ZNF708: variants seen among roughly 807,000 people sequenced by gnomAD.
The protein encoded by ZNF708 is zinc finger protein 708.
In ZNF708, 44 loss-of-function variants were observed where a neutral mutation model predicts 47.0. That is an observed-to-expected ratio of 0.94 (90% CI 0.74 to 1.20). The LOEUF is 1.20. Among genes scored for constraint, ZNF708 ranks in the 50% most tolerant of loss-of-function variants. ZNF708 has a pLI of 0.00. For synonymous variants in ZNF708, 184 were observed against 218.5 expected, an observed-to-expected ratio of 0.84 and a Z score of 1.39; for missense variants, 557 against 656.0, an observed-to-expected ratio of 0.85 and a Z score of 1.65.
chr19:21,313,682 C>T (rs992029501), intron 1 of ZNF708, among the ~76,000 whole-genome samples: 5 of 150,038 alleles, frequency 3.3e-5, no homozygotes, highest in South Asian at 2.1e-4. Flanking sequence ...TGTTTGAACC[C>T]GGGAGGTGGA....
At chr19:21,323,230 T>C (rs995083354) in intron 1 of ZNF708, among the ~76,000 whole-genome samples, 2 of 152,208 alleles carry the variant, frequency 1.3e-5, no homozygotes, top group African/African-American at 4.8e-5. Context: ...GTGCTCTCTT[T>C]TCTTATCTAT....
intron 1 of ZNF708, among the ~76,000 whole-genome samples, chr19:21,323,562 G>A (rs1389542057): frequency 6.6e-6 from 1 of 152,124 alleles, no homozygotes; most frequent in Admixed American, 6.5e-5. Flanking sequence ...TAAAGACCTT[G>A]TAGTTGGTAC....
intron 3 of ZNF708, among the ~76,000 whole-genome samples, chr19:21,299,397 C>T (rs1010267562): frequency 2.0e-5 from 3 of 151,932 alleles, no homozygotes; most frequent in African/African-American, 4.8e-5. Flanking sequence ...AAGATAAAAA[C>T]ATTTTAGCAT....
chr19:21,292,997 G>T lies in ZNF708; in HGVS notation c.*277C>A. On this transcript the variant is annotated 3_prime_UTR_variant, in exon 4 of 4. Transcript: ENST00000356929. ...ATTTATTTTATGTTTAGAAAAGTTTGAGGTGTTGTCAGAATTACTGTGATG... is the reference window on the plus strand; with the variant it reads ...ATTTATTTTATGTTTAGAAAAGTTTTAGGTGTTGTCAGAATTACTGTGATG... The T allele has an allele frequency of 3.0e-6, 1 of 332,672 alleles. No homozygotes were observed. Among genetic ancestry groups the T allele is most frequent in the Non-Finnish European group, 5.6e-6 (1 of 179,224 alleles). The allele number at this position is 332,672 out of a possible 1,614,324, so 20.6% of individuals were successfully genotyped here.
At chr19:21,303,002 T>A (rs1972689956) in intron 3 of ZNF708, among the ~76,000 whole-genome samples, 1 of 151,954 alleles carries the variant, frequency 6.6e-6, no homozygotes, top group Non-Finnish European at 1.5e-5. Flanking sequence ...AATCCTAGGA[T>A]GTTGTGAGGT....
At chr19:21,295,212 T>C (rs923954330) in intron 3 of ZNF708, among the ~76,000 whole-genome samples, 4 of 152,180 alleles carry the variant, frequency 2.6e-5, no homozygotes, top group African/African-American at 9.6e-5. Flanking sequence ...GAATGACAGT[T>C]TGAGTCTGCT....
At chr19:21,316,138 T>TTC (rs1555722835) in intron 1 of ZNF708, among the ~76,000 whole-genome samples, 2 of 139,270 alleles carry the variant, frequency 1.4e-5, no homozygotes, top group Non-Finnish European at 3.3e-5. Context: ...TTTTTCTTTT[T>TTC]TTTTTTTTTT....
chr19:21,314,764 A>G (rs566519878), intron 1 of ZNF708, among the ~76,000 whole-genome samples: 9 of 152,210 alleles, frequency 5.9e-5, no homozygotes, highest in Non-Finnish European at 1.3e-4. Flanking sequence ...CCCTTGTATA[A>G]GGGAAGGAAC....
chr19:21,310,484 A>C lies in ZNF708; in HGVS notation c.130+17T>G, dbSNP rs752865894. 1.7e-5 allele frequency: 22 copies of C among 1,310,766 alleles called. No homozygotes were observed. The highest frequency in any genetic ancestry group is 2.1e-5 in the Non-Finnish European group (21 of 1,013,588). 81.2% of individuals were successfully genotyped at this position (1,310,766 alleles called of 1,614,324 possible). Reference sequence around the variant, plus strand: ...TAATAAATAATAAAAATTAAAAAAAAAAAAACTTATCCTCACCCAGGAATA... The same window carrying C: ...TAATAAATAATAAAAATTAAAAAAACAAAAACTTATCCTCACCCAGGAATA... On this transcript the variant is annotated intron_variant, in intron 2 of 3. Coordinates refer to ENST00000356929, the MANE Select transcript of ZNF708 (RefSeq NM_021269.3).
chr19:21,314,316 T>C (rs1388525127), intron 1 of ZNF708, among the ~76,000 whole-genome samples: 2 of 152,186 alleles, frequency 1.3e-5, no homozygotes, highest in Non-Finnish European at 2.9e-5. Flanking sequence ...CTGTCAATTT[T>C]ATAACATATA....
intron 3 of ZNF708, among the ~76,000 whole-genome samples, chr19:21,308,251 C>A (rs1484281570): frequency 6.6e-6 from 1 of 151,564 alleles, no homozygotes; most frequent in Admixed American, 6.6e-5. Flanking sequence ...AAAATACAAT[C>A]CCTAAATTTA....
At position 21,309,277 on chromosome 19, in the gene ZNF708, CAT is replaced by C. The variant is rs1972849137; in HGVS notation, c.193_194del (p.Met65GlufsTer21). The C allele has an allele frequency of 6.2e-7, 1 of 1,604,894 alleles. No individual in the cohort carries two copies. The highest frequency in any genetic ancestry group is 1.1e-5 in the South Asian group (1 of 90,788). ...CLEQGKEPWN[M>X]KRHEMAAKPP... Reference sequence around the variant, plus strand: ...GTTTGGCTGCCATCTCGTGTCTCTTCATATTCCAGGGCTCTTTTCCTTGCTCC... The same window carrying C: ...GTTTGGCTGCCATCTCGTGTCTCTTCATTCCAGGGCTCTTTTCCTTGCTCC... On this transcript the variant is annotated frameshift_variant, in exon 3 of 4. Coordinates refer to ENST00000356929, the MANE Select transcript of ZNF708 (RefSeq NM_021269.3). LOFTEE classifies it high-confidence loss of function.
intron 1 of ZNF708, among the ~76,000 whole-genome samples, chr19:21,311,238 C>T (rs542965809): frequency 6.6e-6 from 1 of 150,962 alleles, no homozygotes; most frequent in Admixed American, 6.6e-5. Context: ...ACAAGGAAAA[C>T]CTAAGAAAAA....
intron 1 of ZNF708, among the ~76,000 whole-genome samples, chr19:21,317,626 C>T (rs576366340): frequency 6.6e-6 from 1 of 152,250 alleles, no homozygotes; most frequent in Non-Finnish European, 1.5e-5. Flanking sequence ...AGAAAGAAAA[C>T]TTTTATTACA....
chr19:21,317,569 C>T (rs1008070868), intron 1 of ZNF708, among the ~76,000 whole-genome samples: 16 of 152,052 alleles, frequency 1.1e-4, no homozygotes, highest in Non-Finnish European at 1.8e-4. Flanking sequence ...GAAAATATAA[C>T]AAGAGAAATT....
intron 3 of ZNF708, among the ~76,000 whole-genome samples, chr19:21,305,794 A>T (rs1972753445): frequency 6.6e-6 from 1 of 152,108 alleles, no homozygotes; most frequent in African/African-American, 2.4e-5. Context: ...AACTATAGAT[A>T]AACACCCTTG....
intron 3 of ZNF708, among the ~76,000 whole-genome samples, chr19:21,297,258 ATATATATATATATTTTTTTTT>A (rs1374588056): frequency 1.7e-3 from 25 of 14,716 alleles, no homozygotes; most frequent in African/African-American, 5.2e-3. Flanking sequence ...ATATATATAT[ATATATATATATATTTTTTTTT>A]TTTTTTTTTT....
rs1193218597 is a variant in ZNF708 at position 21,329,393 on chromosome 19, C to A, written c.-181G>T. 1.2e-6 allele frequency: 1 copy of A among 866,944 alleles called. No homozygotes were observed. The highest frequency in any genetic ancestry group is 1.7e-5 in the African/African-American group (1 of 58,752). 53.7% of individuals were successfully genotyped at this position (866,944 alleles called of 1,614,324 possible). A position where few individuals can be genotyped will look rare whatever the true frequency, so the allele number is the denominator to read the frequency against. ...AAACCCGGAAGCCGCCCTGTCCGGT[C>A]CAGCTGCGTGTCTGAGTGAACTGTC... On this transcript the variant is annotated 5_prime_UTR_variant, in exon 1 of 4. Coordinates refer to ENST00000356929, the MANE Select transcript of ZNF708 (RefSeq NM_021269.3).
At chr19:21,305,289 G>T (rs767126335) in intron 3 of ZNF708, among the ~76,000 whole-genome samples, 3 of 151,696 alleles carry the variant, frequency 2.0e-5, no homozygotes, top group African/African-American at 7.3e-5. Context: ...GATTACAGGC[G>T]TGAGACACTG....
Sources: allele counts gnomAD v4.1 joint callset (sites outside exome capture counted in the v4.1 genomes callset), GRCh38; gene constraint gnomAD v4.1.1; transcripts MANE v1.5; gene names NCBI Gene and HGNC (gene_info 2026-07-23, HGNC 2026-07-21).